QSOX1: variants seen among roughly 807,000 people sequenced by gnomAD.
The protein encoded by QSOX1 is quiescin sulfhydryl oxidase 1.
Under a neutral mutation model 76.1 loss-of-function variants are expected in QSOX1, and 40 were observed. That is an observed-to-expected ratio of 0.53 (90% CI 0.41 to 0.68). The LOEUF (loss-of-function observed/expected upper bound fraction) is 0.68. Among genes scored for constraint, QSOX1 ranks in the 30% least tolerant of loss-of-function variants. The pLI, the probability that QSOX1 is intolerant of heterozygous loss-of-function variation, is 0.00. For missense variants in QSOX1, 931 were observed against 974.3 expected, an observed-to-expected ratio of 0.96 and a Z score of 0.59; for synonymous variants, 392 against 413.1, an observed-to-expected ratio of 0.95 and a Z score of 0.62.
Position 180,196,266 on chromosome 1 carries a change from C to T in QSOX1, c.1473C>T (p.Ala491=). 6.2e-7 allele frequency: 1 copy of T among 1,609,936 alleles called. No homozygotes were observed. Among genetic ancestry groups the T allele is most frequent in the Non-Finnish European group, 8.5e-7 (1 of 1,176,912 alleles). ...TGTGTATGCTTCCCTCTGTAGGTGC[C>T]CCCAGCGAGGACCCCCAGTTCCCCA... ...HNRVNARLAG[A]PSEDPQFPKV... Residue 491 remains alanine (A), a synonymous_variant, in exon 12 of 12, where the codon GCC becomes GCT. Transcript: ENST00000367602. The surrounding 1 kb of genome is among the most constrained non-coding windows in gnomAD (Gnocchi z 4.1).
chr1:180,176,578 G>C (rs781051199), intron 4 of QSOX1, among the ~76,000 whole-genome samples: 8 of 152,202 alleles, frequency 5.3e-5, no homozygotes, highest in Non-Finnish European at 8.8e-5. Flanking sequence ...CTCTGTATCT[G>C]TCAGCCAGGC....
chr1:180,193,089 C>T (rs1319530240), intron 10 of QSOX1, among the ~76,000 whole-genome samples: 3 of 151,962 alleles, frequency 2.0e-5, no homozygotes, highest in African/African-American at 7.3e-5. Context: ...GAAGAGAGAC[C>T]AGGAGGCAAG....
rs1405423416 is a variant in QSOX1 at position 180,201,467 on chromosome 1, CCT to C, written c.*4431_*4432del. ...ATCCCTCCTCTTCCCCTTCAACACC[CCT>C]TTCACCCCTCCCTCCACCACCTCTG... On this transcript the variant is annotated 3_prime_UTR_variant, in exon 12 of 12. Transcript: ENST00000367602. The C allele has an allele frequency of 6.6e-6, 1 of 152,294 alleles. No homozygotes were observed. Among genetic ancestry groups the C allele is most frequent in the African/African-American group, 2.4e-5 (1 of 41,430 alleles). 9.4% of individuals were successfully genotyped at this position (152,294 alleles called of 1,614,324 possible).
intron 10 of QSOX1, among the ~76,000 whole-genome samples, chr1:180,193,712 G>T (rs972791903): frequency 6.8e-6 from 1 of 148,038 alleles, no homozygotes; most frequent in Non-Finnish European, 1.5e-5. Flanking sequence ...GGGGTGGGGG[G>T]AATGGAAGGG....
chr1:180,163,825 A>G (rs17371594), intron 1 of QSOX1, among the ~76,000 whole-genome samples: 16,237 of 152,280 alleles, frequency 0.11, 904 homozygotes, highest in Middle Eastern at 0.13. Flanking sequence ...CCACAGAAAG[A>G]AAAGATCATT....
rs1243634979 is a variant in QSOX1, at chr1:180,200,687, C to T, written c.*3650C>T. On this transcript the variant is annotated 3_prime_UTR_variant, in exon 12 of 12. Transcript: ENST00000367602. ...ATTAAGAAACATCCTATCCCCTTTA[C>T]TCCCACCAAAATAAATACATTTGCC... 1.3e-5 allele frequency: 2 copies of T among 152,230 alleles called. No individual in the cohort carries two copies. Among genetic ancestry groups the T allele is most frequent in the Admixed American group, 6.5e-5 (1 of 15,292 alleles). 9.4% of individuals were successfully genotyped at this position (152,230 alleles called of 1,614,324 possible).
chr1:180,165,871 C>CGGCTCTGGCCAGCAGCA lies in QSOX1; in HGVS notation c.266-618_266-617insCTCTGGCCAGCAGCAGG, dbSNP rs533439511. On this transcript the variant is annotated intron_variant, in intron 1 of 11. Coordinates refer to ENST00000367602, the MANE Select transcript of QSOX1 (RefSeq NM_002826.5). ...TTCAGCGGCCAGCAGCCTTGTGGCCCGGGGCCTGATGCAGGGGCCAGACTC... is the reference window on the plus strand; with the variant it reads ...TTCAGCGGCCAGCAGCCTTGTGGCCCGGCTCTGGCCAGCAGCAGGGGCCTGATGCAGGGGCCAGACTC... Among the ~76,000 whole-genome samples, 718 of 152,340 alleles carry CGGCTCTGGCCAGCAGCA rather than the reference C, an allele frequency of 4.7e-3. 6 individuals are homozygous for CGGCTCTGGCCAGCAGCA. Among genetic ancestry groups the CGGCTCTGGCCAGCAGCA allele is most frequent in the African/African-American group, 0.016 (668 of 41,586 alleles).
At chr1:180,180,018 G>C (rs1347715451) in intron 5 of QSOX1, among the ~76,000 whole-genome samples, 1 of 152,212 alleles carries the variant, frequency 6.6e-6, no homozygotes, top group Non-Finnish European at 1.5e-5. Flanking sequence ...CCAGTGGTTG[G>C]AGCCAAGTGC....
At chr1:180,194,443 G>A (rs67343209) in intron 11 of QSOX1, 51 bp downstream of exon 11, 4 of 1,495,926 alleles carry the variant, frequency 2.7e-6, no homozygotes, top group Admixed American at 4.4e-5. Flanking sequence ...GGACGAGGGG[G>A]TGAGGATACT....
intron 1 of QSOX1, among the ~76,000 whole-genome samples, chr1:180,166,012 T>G (rs1002861610): frequency 2.0e-5 from 3 of 152,150 alleles, no homozygotes; most frequent in African/African-American, 7.2e-5. Flanking sequence ...CCACTACCAG[T>G]ATCTCTGGCC....
At chr1:180,167,046 A>G (rs1170819341) in intron 2 of QSOX1, among the ~76,000 whole-genome samples, 1 of 152,252 alleles carries the variant, frequency 6.6e-6, no homozygotes, top group Non-Finnish European at 1.5e-5. Context: ...ATCACACCCA[A>G]GGCATGAGGG....
At chr1:180,187,957 T>C (rs1371314310) in intron 8 of QSOX1, among the ~76,000 whole-genome samples, 1 of 152,260 alleles carries the variant, frequency 6.6e-6, no homozygotes. Flanking sequence ...CAGCTATCAT[T>C]TCTTCAGCCC....
intron 1 of QSOX1, among the ~76,000 whole-genome samples, chr1:180,158,774 C>T (rs182669918): frequency 6.6e-6 from 1 of 152,282 alleles, no homozygotes; most frequent in African/African-American, 2.4e-5. Context: ...ATCTGTGCCT[C>T]TGTCTTCATG....
At chr1:180,195,184 C>G (rs1663439261) in intron 11 of QSOX1, among the ~76,000 whole-genome samples, 1 of 152,164 alleles carries the variant, frequency 6.6e-6, no homozygotes, top group African/African-American at 2.4e-5. Context: ...CCTTCAGCCC[C>G]TTGACCTCGG....
chr1:180,157,785 C>A (rs1662405910), intron 1 of QSOX1, among the ~76,000 whole-genome samples: 1 of 152,192 alleles, frequency 6.6e-6, no homozygotes, highest in African/African-American at 2.4e-5. Context: ...TATTCACTGG[C>A]TAATCAATCA....
rs1558197532 is a variant in QSOX1, at chr1:180,202,919, A to T, written c.*5882A>T. ...TGGTGAAACCCCCATCTCTACTAAA[A>T]TATTACACAGGCATTGTGGCACACA... On this transcript the variant is annotated 3_prime_UTR_variant, in exon 12 of 12. Coordinates refer to ENST00000367602, the MANE Select transcript of QSOX1 (RefSeq NM_002826.5). The T allele has an allele frequency of 1.3e-5, 2 of 152,004 alleles. No homozygotes were observed. Among genetic ancestry groups the T allele is most frequent in the African/African-American group, 4.8e-5 (2 of 41,376 alleles). The allele number at this position is 152,004 out of a possible 1,614,324, so 9.4% of individuals were successfully genotyped here.
chr1:180,154,914 A>G lies in QSOX1; in HGVS notation c.7A>G (p.Arg3Gly), dbSNP rs1159636176. Residue 3 changes from arginine to glycine, a missense_variant, in exon 1 of 12, where the codon AGG (arginine) becomes GGG (glycine). Coordinates refer to ENST00000367602, the MANE Select transcript of QSOX1 (RefSeq NM_002826.5). ...GGTGAGCGCAGCGCCGAGGATGAGG[A>G]GGTGCAACAGCGGCTCCGGGCCGCC... is the stretch of plus-strand genomic sequence containing the variant. MR[R>G]CNSGSGPPPS... 1.4e-6 allele frequency: 2 copies of G among 1,452,128 alleles called. No individual in the cohort carries two copies. Among genetic ancestry groups the G allele is most frequent in the African/African-American group, 1.5e-5 (1 of 67,296 alleles). The allele number at this position is 1,452,128 out of a possible 1,614,324, so 90.0% of individuals were successfully genotyped here.
intron 2 of QSOX1, among the ~76,000 whole-genome samples, chr1:180,168,983 G>A (rs1472778260): frequency 6.6e-6 from 1 of 152,246 alleles, no homozygotes; most frequent in Non-Finnish European, 1.5e-5. Flanking sequence ...ATGGGGACAG[G>A]CCCACACACA....
intron 2 of QSOX1, 100 bp from the exon 3 acceptor site, chr1:180,175,221 C>A: frequency 9.5e-7 from 1 of 1,057,568 alleles, no homozygotes; most frequent in Non-Finnish European, 1.5e-6. Flanking sequence ...TTTGCCCAGC[C>A]ACCGCATTGA....
Sources: allele counts gnomAD v4.1 joint callset (sites outside exome capture counted in the v4.1 genomes callset), GRCh38; gene constraint gnomAD v4.1.1; non-coding constraint Gnocchi (gnomAD v3.1); transcripts MANE v1.5; gene names NCBI Gene and HGNC (gene_info 2026-07-23, HGNC 2026-07-21).